The following MMP16 variants were observed in gnomAD, a reference collection of about 807,000 sequenced individuals.
MMP16 encodes matrix metallopeptidase 16.
Under a neutral mutation model 67.8 loss-of-function variants are expected in MMP16, and 12 were observed. The ratio of observed to expected loss-of-function variants is 0.18; its 90% CI spans 0.11 to 0.29. MMP16 has a LOEUF of 0.29. MMP16 is among the 10% of genes least tolerant of loss of function. MMP16 has a pLI of 1.00. For synonymous variants in MMP16, 249 were observed against 255.9 expected (o/e 0.97, Z 0.26); for missense variants, 475 against 765.7 (o/e 0.62, Z 4.48).
chr8:88,245,563 C>T lies in MMP16; in HGVS notation c.133-48257G>A, dbSNP rs1810101379. Among the ~76,000 whole-genome samples, 3 of 152,226 alleles carry T rather than the reference C, an allele frequency of 2.0e-5. No individual in the cohort carries two copies. In the South Asian group the frequency reaches 6.2e-4, roughly 32 times the overall value. On this transcript the variant is annotated intron_variant, in intron 1 of 9. Coordinates refer to ENST00000286614, the MANE Select transcript of MMP16 (RefSeq NM_005941.5). ...CAGGTTTTCCTGGACAAGGTGAACA[C>T]AAGAGGAATATGGAGACCAATCTGT...
In MMP16 at chr8:88,123,324, A is replaced by G. The variant is rs114542788; in HGVS notation, c.710-4463T>C. Among the ~76,000 whole-genome samples the G allele has an allele frequency of 3.8e-3, 574 of 152,124 alleles. 6 individuals are homozygous for G. The highest frequency in any genetic ancestry group is 0.013 in the African/African-American group (537 of 41,534). On this transcript the variant is annotated intron_variant, in intron 4 of 9. Transcript: ENST00000286614. ...CCAACCCCCTCTACAAAACCCAAAA[A>G]GCTTGGTATAACTCTTGGTCTGAAG... is the stretch of plus-strand genomic sequence containing the variant.
At chr8:88,109,029 G>C (rs761408793) in intron 6 of MMP16, among the ~76,000 whole-genome samples, 2 of 151,298 alleles carry the variant, frequency 1.3e-5, no homozygotes, top group Admixed American at 6.6e-5. Context: ...AGAAGAACAA[G>C]ACAATCAAGA....
chr8:88,050,310 G>C (rs1410175065), intron 8 of MMP16, among the ~76,000 whole-genome samples: 1 of 152,288 alleles, frequency 6.6e-6, no homozygotes, highest in African/African-American at 2.4e-5. Flanking sequence ...GCAACAGAGA[G>C]AGACTTCATC....
chr8:88,268,202 C>T (rs1165565308), intron 1 of MMP16, among the ~76,000 whole-genome samples: 2 of 152,036 alleles, frequency 1.3e-5, no homozygotes, highest in East Asian at 1.9e-4. Flanking sequence ...AGTAGCTGGG[C>T]GTGGTGGCGC....
intron 6 of MMP16, among the ~76,000 whole-genome samples, chr8:88,112,364 A>G (rs532831499): frequency 1.3e-5 from 2 of 151,784 alleles, no homozygotes; most frequent in Admixed American, 1.3e-4. Flanking sequence ...CTTTTTTTAC[A>G]CAACAAAATA....
chr8:88,253,022 T>C (rs1810250215), intron 1 of MMP16, among the ~76,000 whole-genome samples: 2 of 152,154 alleles, frequency 1.3e-5, no homozygotes, highest in Admixed American at 1.3e-4. Context: ...AGGACAATTC[T>C]TTAGAAAAAC....
chr8:88,290,024 G>C (rs1045981017), intron 1 of MMP16, among the ~76,000 whole-genome samples: 1 of 151,936 alleles, frequency 6.6e-6, no homozygotes, highest in African/African-American at 2.4e-5. Context: ...ATGCCTACTG[G>C]GTGACACAAA....
At chr8:88,066,513 C>G (rs1254670486) in intron 7 of MMP16, among the ~76,000 whole-genome samples, 3 of 151,990 alleles carry the variant, frequency 2.0e-5, no homozygotes. Context: ...TACTAAATAT[C>G]AAATAGAGGA....
At chr8:88,195,440 T>A (rs927844165) in intron 2 of MMP16, among the ~76,000 whole-genome samples, 7 of 152,164 alleles carry the variant, frequency 4.6e-5, no homozygotes, top group African/African-American at 1.7e-4. Context: ...TCCAAGAAAG[T>A]GAATCAGAAG....
chr8:88,044,981 C>G lies in MMP16; in HGVS notation c.1489+1688G>C, dbSNP rs184713219. On this transcript the variant is annotated intron_variant, in intron 9 of 9. Coordinates refer to ENST00000286614, the MANE Select transcript of MMP16 (RefSeq NM_005941.5). ...TCATGACTTCCTTTACTCTCTTATT[C>G]CTTTCCCTTTTATCTCAGAGAGTTA... Among the ~76,000 whole-genome samples the G allele has an allele frequency of 1.3e-3, 192 of 152,256 alleles. 1 individual carries two copies. The Middle Eastern group carries it at 0.017, about 13-fold the overall frequency.
At chr8:88,326,350 A>G (rs1320597827) in intron 1 of MMP16, among the ~76,000 whole-genome samples, 1 of 152,192 alleles carries the variant, frequency 6.6e-6, no homozygotes, top group African/African-American at 2.4e-5. Flanking sequence ...ATCAAAGTAA[A>G]GCAAATGACA....
chr8:88,168,378 T>C (rs984572037), intron 3 of MMP16, among the ~76,000 whole-genome samples: 3 of 152,162 alleles, frequency 2.0e-5, no homozygotes, highest in Non-Finnish European at 4.4e-5. Flanking sequence ...CACACATCCA[T>C]TTCAAACAAT....
chr8:88,100,918 AT>A (rs1178787897), intron 6 of MMP16, among the ~76,000 whole-genome samples: 1 of 147,806 alleles, frequency 6.8e-6, no homozygotes, highest in Non-Finnish European at 1.5e-5. Flanking sequence ...ATAGGTGGGA[AT>A]TGAACCATGA....
At chr8:88,307,807 CAAGAT>C (rs1811234238) in intron 1 of MMP16, among the ~76,000 whole-genome samples, 1 of 151,844 alleles carries the variant, frequency 6.6e-6, no homozygotes, top group Non-Finnish European at 1.5e-5. Flanking sequence ...TCAGACCACT[CAAGAT>C]AATCTATGGA....
At chr8:88,106,918 C>A (rs2118398156) in intron 6 of MMP16, among the ~76,000 whole-genome samples, 1 of 151,190 alleles carries the variant, frequency 6.6e-6, no homozygotes, top group African/African-American at 2.4e-5. Flanking sequence ...GTTATTAAAT[C>A]TATCAAGGTA....
At chr8:88,209,566 T>C (rs906579481) in intron 1 of MMP16, among the ~76,000 whole-genome samples, 1 of 144,532 alleles carries the variant, frequency 6.9e-6, no homozygotes, top group African/African-American at 2.5e-5. Flanking sequence ...TCTGTGTCCC[T>C]AATCCCTGAA....
At chr8:88,229,658 G>C (rs1456654605) in intron 1 of MMP16, among the ~76,000 whole-genome samples, 1 of 151,844 alleles carries the variant, frequency 6.6e-6, no homozygotes, top group Admixed American at 6.6e-5. Flanking sequence ...CCCAGTCAGT[G>C]AAGGGGCCAC....
chr8:88,099,689 T>C (rs1422700777), intron 6 of MMP16, among the ~76,000 whole-genome samples: 2 of 151,884 alleles, frequency 1.3e-5, no homozygotes, highest in Admixed American at 1.3e-4. Flanking sequence ...ATGTTGTTTC[T>C]CTTATTTAAA....
chr8:88,114,194 A>T (rs1451840971), intron 6 of MMP16, among the ~76,000 whole-genome samples: 1 of 151,892 alleles, frequency 6.6e-6, no homozygotes, highest in African/African-American at 2.4e-5. Context: ...ATATCATTCA[A>T]TCATGCTTTC....
Sources: allele counts gnomAD v4.1 joint callset (sites outside exome capture counted in the v4.1 genomes callset), GRCh38; gene constraint gnomAD v4.1.1; transcripts MANE v1.5; gene names NCBI Gene and HGNC (gene_info 2026-07-23, HGNC 2026-07-21).